Variants in SRGAP1 observed in about 807,000 individuals in gnomAD.
The protein encoded by SRGAP1 is SLIT-ROBO Rho GTPase-activating protein 1.
A neutral mutation model predicts 121.9 loss-of-function variants in SRGAP1; 43 were observed. The observed-to-expected ratio is 0.35, with a 90% CI of 0.28 to 0.46. SRGAP1 has a LOEUF of 0.46. Ranked by LOEUF, SRGAP1 falls within the 20% of genes least tolerant of loss-of-function variation. The pLI is 1.00. For synonymous variants in SRGAP1, 447 were observed against 485.4 expected, an observed-to-expected ratio of 0.92 and a Z score of 1.04; for missense variants, 1,102 against 1,350.9, an observed-to-expected ratio of 0.82 and a Z score of 2.89.
chr12:64,002,471 G>C (rs1373433245), intron 3 of SRGAP1, among the ~76,000 whole-genome samples: 2 of 152,174 alleles, frequency 1.3e-5, no homozygotes, highest in East Asian at 3.8e-4. Flanking sequence ...CAACTTTCCA[G>C]TTAGAGCAAT....
At chr12:64,080,654 A>G in intron 10 of SRGAP1, 1 of 472,368 alleles carries the variant, frequency 2.1e-6, no homozygotes, top group Non-Finnish European at 3.9e-6. Context: ...TCCTGATCGT[A>G]GAAAAGTCTG....
chr12:63,983,746 G>C (rs1466900239), intron 1 of SRGAP1: 1 of 142,244 alleles, frequency 7.0e-6, no homozygotes, highest in Non-Finnish European at 1.5e-5. Flanking sequence ...CTCCAGCCTG[G>C]GCAACAGAGC....
intron 1 of SRGAP1, among the ~76,000 whole-genome samples, chr12:63,864,925 TAA>T (rs1899572643): frequency 6.6e-6 from 1 of 152,072 alleles, no homozygotes; most frequent in African/African-American, 2.4e-5. Flanking sequence ...TATGGTTATA[TAA>T]AAAAATAAAC....
At chr12:63,884,719 C>CTTTTTTT (rs869188491) in intron 1 of SRGAP1, among the ~76,000 whole-genome samples, 2 of 123,858 alleles carry the variant, frequency 1.6e-5, no homozygotes, top group Non-Finnish European at 3.4e-5. Context: ...CACCACCATT[C>CTTTTTTT]TTTTTTTTTT....
At chr12:64,069,690 T>TC (rs1202242080) in intron 8 of SRGAP1, among the ~76,000 whole-genome samples, 2 of 152,176 alleles carry the variant, frequency 1.3e-5, no homozygotes, top group Non-Finnish European at 2.9e-5. Context: ...TGAGACAGGG[T>TC]CCCGCTCTGT....
intron 21 of SRGAP1, among the ~76,000 whole-genome samples, chr12:64,139,558 C>T (rs2036923563): frequency 1.3e-5 from 2 of 151,930 alleles, no homozygotes; most frequent in African/African-American, 4.8e-5. Context: ...AGTGTCTGTT[C>T]ATGTCCTTCG....
chr12:64,002,930 C>G (rs1213303302), intron 3 of SRGAP1, among the ~76,000 whole-genome samples: 1 of 151,308 alleles, frequency 6.6e-6, no homozygotes, highest in African/African-American at 2.4e-5. Context: ...ATTTCAACTT[C>G]CATGAGTAAA....
At chr12:64,064,079 A>T (rs1378588195) in intron 7 of SRGAP1, among the ~76,000 whole-genome samples, 1 of 152,212 alleles carries the variant, frequency 6.6e-6, no homozygotes, top group Non-Finnish European at 1.5e-5. Flanking sequence ...CCATCTTTCC[A>T]AAACCAAATG....
intron 4 of SRGAP1, among the ~76,000 whole-genome samples, chr12:64,029,062 T>G (rs1313119375): frequency 6.6e-6 from 1 of 152,206 alleles, no homozygotes; most frequent in Non-Finnish European, 1.5e-5. Context: ...AACTAGTATT[T>G]GAACCCAAGC....
chr12:63,864,749 G>T (rs1899566122), intron 1 of SRGAP1, among the ~76,000 whole-genome samples: 1 of 152,058 alleles, frequency 6.6e-6, no homozygotes, highest in South Asian at 2.1e-4. Flanking sequence ...GGAGTACATG[G>T]GGACTAAACA....
At chr12:63,913,467 A>ATG (rs1247245816) in intron 1 of SRGAP1, among the ~76,000 whole-genome samples, 1 of 110,386 alleles carries the variant, frequency 9.1e-6, no homozygotes, top group Non-Finnish European at 1.8e-5. Flanking sequence ...ATATATATAT[A>ATG]TATATATATG....
intron 1 of SRGAP1, among the ~76,000 whole-genome samples, chr12:63,863,276 C>CTTT (rs72296845): frequency 7.2e-6 from 1 of 138,188 alleles, no homozygotes; most frequent in African/African-American, 2.6e-5. Context: ...CTTTTTTTTT[C>CTTT]TTTTTTTTTT....
At chr12:63,852,856 T>C (rs1899119509) in intron 1 of SRGAP1, among the ~76,000 whole-genome samples, 1 of 152,144 alleles carries the variant, frequency 6.6e-6, no homozygotes, top group Admixed American at 6.6e-5. Context: ...ACTTTGATAT[T>C]AGAAATCATT....
At chr12:64,104,266 T>C (rs1037028995) in intron 15 of SRGAP1, among the ~76,000 whole-genome samples, 90 of 152,242 alleles carry the variant, frequency 5.9e-4, no homozygotes, top group African/African-American at 2.1e-3. Context: ...AACATGAGAA[T>C]CTTGCATTGC....
Position 64,137,961 on chromosome 12 carries a change from A to AAAAATAT in SRGAP1, c.2881-4333_2881-4332insAAATATA, listed in dbSNP as rs372355390. 4.2e-3 allele frequency among the ~76,000 whole-genome samples: 587 copies of AAAAATAT among 139,638 alleles called. 2 individuals carry two copies. Among genetic ancestry groups the AAAAATAT allele is most frequent in the Middle Eastern group, 0.019 (5 of 270 alleles). The allele number at this position is 139,638 out of a possible 152,430, so 91.6% of individuals were successfully genotyped here. ...CTTTCTTAATTGTGCTTAAAAAAAA[A>AAAAATAT]ATATATATATATATATATATAAAAA... On this transcript the variant is annotated intron_variant, in intron 21 of 21. Coordinates refer to ENST00000355086, the MANE Select transcript of SRGAP1 (RefSeq NM_020762.4).
At chr12:64,008,858 T>C (rs2034166130) in intron 3 of SRGAP1, among the ~76,000 whole-genome samples, 1 of 152,168 alleles carries the variant, frequency 6.6e-6, no homozygotes. Flanking sequence ...CCTAGGTTTT[T>C]CTTACCACAG....
At chr12:63,918,448 A>G (rs1311303729) in intron 1 of SRGAP1, among the ~76,000 whole-genome samples, 1 of 151,918 alleles carries the variant, frequency 6.6e-6, no homozygotes, top group African/African-American at 2.4e-5. Context: ...GACAAGCCTC[A>G]CTCTGTCACC....
At chr12:64,072,286 C>T (rs2035656671) in intron 8 of SRGAP1, among the ~76,000 whole-genome samples, 1 of 151,902 alleles carries the variant, frequency 6.6e-6, no homozygotes, top group African/African-American at 2.4e-5. Context: ...ATGAGGGTCA[C>T]CTTCACAGAT....
chr12:63,954,273 A>G (rs998313849), intron 1 of SRGAP1, among the ~76,000 whole-genome samples: 3 of 152,170 alleles, frequency 2.0e-5, no homozygotes, highest in Non-Finnish European at 4.4e-5. Flanking sequence ...ACATTCTAGC[A>G]TTTTGTTTAC....
Sources: gnomAD v4.1 joint callset for allele counts (sites outside exome capture counted in the v4.1 genomes callset) on GRCh38, gnomAD v4.1.1 for gene constraint, MANE v1.5 for transcripts, NCBI Gene and HGNC (gene_info 2026-07-23, HGNC 2026-07-21) for gene names.